NFIB: variants seen among roughly 807,000 people sequenced by gnomAD.
NFIB encodes nuclear factor I B, also known as nuclear factor 1 B-type.
NFIB carries 11 observed loss-of-function variants against 61.5 expected under a neutral mutation model. The observed-to-expected ratio is 0.18, with a 90% CI of 0.11 to 0.30. The LOEUF is 0.30. NFIB is among the 10% of genes least tolerant of loss of function. The pLI is 1.00. For missense variants in NFIB, 471 were observed against 608.9 expected (o/e 0.77, Z 2.38); for synonymous variants, 260 against 216.5 (o/e 1.20, Z -1.76).
chr9:14,454,002 C>T, the NFIB span, among the ~76,000 whole-genome samples: 7 of 151,978 alleles, frequency 4.6e-5, no homozygotes, highest in East Asian at 1.9e-4. Flanking sequence ...CGCTTGAACC[C>T]GGGAGGCAAT....
intron 1 of NFIB, among the ~76,000 whole-genome samples, chr9:14,387,985 T>C (rs2061568880): frequency 6.6e-6 from 1 of 152,152 alleles, no homozygotes; most frequent in Non-Finnish European, 1.5e-5. Flanking sequence ...TATACAGAAT[T>C]GTATATAAGC....
At chr9:14,199,833 A>G (rs558317430) in intron 2 of NFIB, among the ~76,000 whole-genome samples, 1 of 152,222 alleles carries the variant, frequency 6.6e-6, no homozygotes, top group East Asian at 1.9e-4. Context: ...GCAGAGTTGC[A>G]CCCAGTTTCC....
At chr9:14,267,511 T>C (rs991351628) in intron 2 of NFIB, among the ~76,000 whole-genome samples, 11 of 152,200 alleles carry the variant, frequency 7.2e-5, no homozygotes, top group Non-Finnish European at 1.5e-4. Flanking sequence ...TCTCATCTTT[T>C]CCTATTTCAT....
chr9:14,398,088 T>C (rs1588423031), intron 1 of NFIB, among the ~76,000 whole-genome samples: 1 of 152,132 alleles, frequency 6.6e-6, no homozygotes, highest in East Asian at 1.9e-4. Flanking sequence ...CAAAGGCTGC[T>C]TATTGATTTT....
At chr9:14,195,101 G>C (rs2048332952) in intron 2 of NFIB, among the ~76,000 whole-genome samples, 1 of 151,992 alleles carries the variant, frequency 6.6e-6, no homozygotes, top group African/African-American at 2.4e-5. Flanking sequence ...GGGTGGTTAT[G>C]TGCCCAAGAA....
intron 1 of NFIB, among the ~76,000 whole-genome samples, chr9:14,378,504 G>C (rs890094052): frequency 2.0e-5 from 3 of 152,040 alleles, no homozygotes; most frequent in Non-Finnish European, 4.4e-5. Context: ...CTATAGGCAC[G>C]CGCCACCACG....
At chr9:14,090,038 T>C (rs1022679833) in intron 10 of NFIB, among the ~76,000 whole-genome samples, 9 of 152,130 alleles carry the variant, frequency 5.9e-5, no homozygotes, top group Non-Finnish European at 1.2e-4. Context: ...AATACCTTTT[T>C]AGACAAACAA....
At chr9:14,322,909 C>G (rs1409566928) in intron 1 of NFIB, among the ~76,000 whole-genome samples, 1 of 151,806 alleles carries the variant, frequency 6.6e-6, no homozygotes, top group East Asian at 1.9e-4. Flanking sequence ...TGCTTCCCGA[C>G]CGTGTGTCTG....
At chr9:14,250,564 G>T (rs2055484190) in intron 2 of NFIB, among the ~76,000 whole-genome samples, 2 of 152,192 alleles carry the variant, frequency 1.3e-5, no homozygotes, top group Non-Finnish European at 2.9e-5. Flanking sequence ...TTGTGAAGGA[G>T]TGCTGAAGCA....
At position 14,120,688 on chromosome 9, in the gene NFIB, C is replaced by T; in HGVS notation, c.1061-64G>A. On this transcript the variant is annotated intron_variant, in intron 7 of 10. Coordinates refer to ENST00000380953, the MANE Select transcript of NFIB (RefSeq NM_001190737.2). The surrounding 1 kb of genome is among the most constrained non-coding windows in gnomAD (Gnocchi z 4.4). ...GGTTACCTTATTGCTCCATTCTGATCCTGAAGAATGCTGTGAAACTACAAA... is the reference window on the plus strand; with the variant it reads ...GGTTACCTTATTGCTCCATTCTGATTCTGAAGAATGCTGTGAAACTACAAA... The T allele has an allele frequency of 6.9e-7, 1 of 1,448,490 alleles. No homozygotes were observed. Among genetic ancestry groups the T allele is most frequent in the Non-Finnish European group, 9.3e-7 (1 of 1,080,428 alleles). The allele number at this position is 1,448,490 out of a possible 1,614,324, so 89.7% of individuals were successfully genotyped here. A position where few individuals can be genotyped will look rare whatever the true frequency, so the allele number is the denominator to read the frequency against.
chr9:14,385,631 A>G (rs1380219113), intron 1 of NFIB, among the ~76,000 whole-genome samples: 1 of 152,210 alleles, frequency 6.6e-6, no homozygotes, highest in Non-Finnish European at 1.5e-5. Context: ...AGACCACCAC[A>G]GTTAACATTT....
chr9:14,173,189 G>C (rs2045763808), intron 3 of NFIB, among the ~76,000 whole-genome samples: 1 of 152,144 alleles, frequency 6.6e-6, no homozygotes, highest in Admixed American at 6.5e-5. Context: ...GCTCCCCTAT[G>C]TGATCCTCAC....
chr9:14,486,334 C>G, the NFIB span, among the ~76,000 whole-genome samples: 1 of 152,102 alleles, frequency 6.6e-6, no homozygotes, highest in African/African-American at 2.4e-5. Flanking sequence ...ACTAGATAGT[C>G]CATGTCATCA....
At chr9:14,472,238 T>A in the NFIB span, among the ~76,000 whole-genome samples, 1 of 152,230 alleles carries the variant, frequency 6.6e-6, no homozygotes, top group Admixed American at 6.5e-5. Context: ...CACATGTTGC[T>A]GTGTGTGCTG....
chr9:14,311,061 CAT>C (rs2060256777), intron 1 of NFIB, among the ~76,000 whole-genome samples: 7 of 152,176 alleles, frequency 4.6e-5, no homozygotes, highest in South Asian at 4.1e-4. Context: ...TATTTTTAAA[CAT>C]ATATTAAATC....
intron 1 of NFIB, among the ~76,000 whole-genome samples, chr9:14,321,764 C>A (rs958339496): frequency 6.6e-6 from 1 of 152,156 alleles, no homozygotes; most frequent in Non-Finnish European, 1.5e-5. Flanking sequence ...CAAATTAGTT[C>A]TGCAAATGCA....
Position 14,313,784 on chromosome 9 carries a change from GGCCGCC to G in NFIB, c.-279_-274del. On this transcript the variant is annotated 5_prime_UTR_variant, in exon 1 of 11. Coordinates refer to ENST00000380953, the MANE Select transcript of NFIB (RefSeq NM_001190737.2). This position sits in a 1 kb window ranked among gnomAD's most constrained non-coding sequence, Gnocchi z 4.5. ...CGAGCGCGCTGGCCGTGCTTGCCGA[GGCCGCC>G]GCCGCCGCCGGTGTTGGCTGCTTTT... 3 of 1,339,632 alleles carry G rather than the reference GGCCGCC, an allele frequency of 2.2e-6. No homozygotes were observed. Among genetic ancestry groups the G allele is most frequent in the Non-Finnish European group, 9.6e-7 (1 of 1,046,136 alleles). 83.0% of individuals were successfully genotyped at this position (1,339,632 alleles called of 1,614,324 possible). A position where few individuals can be genotyped will look rare whatever the true frequency, so the allele number is the denominator to read the frequency against.
intron 1 of NFIB, among the ~76,000 whole-genome samples, chr9:14,348,796 C>T (rs1230027730): frequency 6.6e-6 from 1 of 152,236 alleles, no homozygotes; most frequent in Non-Finnish European, 1.5e-5. Context: ...CTGGAAACAG[C>T]CCCCTGTGCT....
chr9:14,100,105 A>G (rs538911408), intron 10 of NFIB, among the ~76,000 whole-genome samples: 1 of 152,082 alleles, frequency 6.6e-6, no homozygotes, highest in Non-Finnish European at 1.5e-5. Context: ...AAAAACCAAG[A>G]TACCTTTTAA....
Sources: allele counts gnomAD v4.1 joint callset (sites outside exome capture counted in the v4.1 genomes callset), GRCh38; gene constraint gnomAD v4.1.1; non-coding constraint Gnocchi (gnomAD v3.1); transcripts MANE v1.5; gene names NCBI Gene and HGNC (gene_info 2026-07-23, HGNC 2026-07-21).